ZSCAN5A: variants seen among roughly 807,000 people sequenced by gnomAD.
ZSCAN5A encodes zinc finger and SCAN domain-containing protein 5A.
A neutral mutation model predicts 23.7 loss-of-function variants in ZSCAN5A; 12 were observed. The observed-to-expected ratio is 0.51, with a 90% CI of 0.32 to 0.82. ZSCAN5A has a LOEUF of 0.82. Among genes scored for constraint, ZSCAN5A ranks in the 40% least tolerant of loss-of-function variants. The pLI, the probability that ZSCAN5A is intolerant of heterozygous loss-of-function variation, is 0.03. For missense variants in ZSCAN5A, 597 were observed against 617.9 expected (o/e 0.97, Z 0.36); for synonymous variants, 257 against 239.9 (o/e 1.07, Z -0.66).
At chr19:56,226,966 A>G (rs1403847581) in intron 2 of ZSCAN5A, among the ~76,000 whole-genome samples, 1 of 152,214 alleles carries the variant, frequency 6.6e-6, no homozygotes, top group Non-Finnish European at 1.5e-5. Context: ...AACATAAATA[A>G]TAATTAAAAA....
rs574919455 is a variant in ZSCAN5A at position 56,351,384 on chromosome 19, A to G, written c.-358+11851T>C. On this transcript the variant is annotated intron_variant, in intron 2 of 6. Coordinates refer to the ZSCAN5A transcript ENST00000587340. The surrounding 1 kb of genome is among the most constrained non-coding windows in gnomAD (Gnocchi z 4.8). The stretch of plus-strand genomic sequence containing the variant: ...TGTGTTCAAACCATCATGGCAACCC[A>G]CATTTGCATATTAAAAGGCTATGGC... Among the ~76,000 whole-genome samples, 68 of 152,130 alleles carry G rather than the reference A, an allele frequency of 4.5e-4. No individual in the cohort carries two copies. The highest frequency in any genetic ancestry group is 1.6e-3 in the African/African-American group (66 of 41,514).
intron 2 of ZSCAN5A, among the ~76,000 whole-genome samples, chr19:56,231,545 C>T (rs985533087): frequency 3.9e-5 from 6 of 152,180 alleles, no homozygotes; most frequent in Admixed American, 2.6e-4. Context: ...CCCCACCTCA[C>T]GTAAAGGTGG....
chr19:56,356,548 A>G (rs2041701649), intron 2 of ZSCAN5A, among the ~76,000 whole-genome samples: 1 of 147,928 alleles, frequency 6.8e-6, no homozygotes, highest in Non-Finnish European at 1.5e-5. Flanking sequence ...TCTAACTTCT[A>G]CTACGGGGTG....
chr19:56,244,809 T>C (rs774886271), intron 2 of ZSCAN5A, among the ~76,000 whole-genome samples: 3 of 148,866 alleles, frequency 2.0e-5, no homozygotes, highest in Admixed American at 6.6e-5. Context: ...TCTGATGGAA[T>C]GTAGGGAAGG....
At chr19:56,281,698 TG>T in intron 2 of ZSCAN5A, 1 of 985,396 alleles carries the variant, frequency 1.0e-6, no homozygotes, top group Non-Finnish European at 1.2e-6. Context: ...TCCAGTCAAC[TG>T]TAAGTCATAT....
chr19:56,321,528 T>C, intron 2 of ZSCAN5A: 5 of 732,394 alleles, frequency 6.8e-6, no homozygotes, highest in Non-Finnish European at 7.6e-6. Context: ...GCACTTTCGC[T>C]GTCTGTCTGG....
intron 2 of ZSCAN5A, chr19:56,301,955 C>A: frequency 8.1e-7 from 1 of 1,232,052 alleles, no homozygotes; most frequent in Non-Finnish European, 1.0e-6. Flanking sequence ...ATCATCTCCA[C>A]GGTTCTCTCC....
chr19:56,260,929 T>C (rs1264197298), intron 2 of ZSCAN5A, among the ~76,000 whole-genome samples: 3 of 152,074 alleles, frequency 2.0e-5, no homozygotes, highest in Non-Finnish European at 2.9e-5. Context: ...AAAATGTGGC[T>C]GGGCGTGGTG....
chr19:56,258,196 A>C (rs1368207260), intron 2 of ZSCAN5A, among the ~76,000 whole-genome samples: 1 of 152,218 alleles, frequency 6.6e-6, no homozygotes, highest in Non-Finnish European at 1.5e-5. Context: ...TCTTGGTGCT[A>C]TAACAGGGTA....
In ZSCAN5A at chr19:56,224,894, G is replaced by A. The variant is rs140787974; in HGVS notation, c.153C>T (p.Ser51=). The A allele has an allele frequency of 6.2e-6, 10 of 1,614,058 alleles. No homozygotes were observed. In the African/African-American group the frequency reaches 1.3e-4, roughly 22 times the overall value. ...EISHVNFRMF[S]CPKESDPIQA... ...GGATGGGGTCCGACTCCTTCGGGCA[G>A]CTGAACATCCTGAAGTTCACGTGAG... The change falls in exon 3 of 6, where the codon AGC becomes AGT. Residue 51 remains serine (S), a synonymous_variant. Transcript: ENST00000683990.
chr19:56,345,275 C>T (rs556781469), intron 2 of ZSCAN5A, among the ~76,000 whole-genome samples: 1 of 152,278 alleles, frequency 6.6e-6, no homozygotes, highest in South Asian at 2.1e-4. Flanking sequence ...TTGATGTACA[C>T]TTTTTAAGCC....
At chr19:56,329,775 G>A (rs1292578829) in intron 2 of ZSCAN5A, among the ~76,000 whole-genome samples, 2 of 152,038 alleles carry the variant, frequency 1.3e-5, no homozygotes, top group African/African-American at 4.8e-5. Context: ...TATCACCATT[G>A]TAATCTGGGT....
chr19:56,304,434 G>A (rs2040550555), intron 2 of ZSCAN5A, among the ~76,000 whole-genome samples: 1 of 152,212 alleles, frequency 6.6e-6, no homozygotes. Context: ...GGCATCCAGT[G>A]GGCAGAGGCC....
At chr19:56,322,245 C>T (rs2041383777) in intron 2 of ZSCAN5A, 4 of 1,104,022 alleles carry the variant, frequency 3.6e-6, no homozygotes, top group Non-Finnish European at 5.6e-6. Context: ...TGAGAAAGTC[C>T]TAAAACAGTT....
chr19:56,297,464 C>T (rs1056244122), intron 2 of ZSCAN5A: 7 of 932,862 alleles, frequency 7.5e-6, no homozygotes, highest in East Asian at 1.2e-4. Context: ...CTTCCTCCTT[C>T]TCTTCCTGCT....
rs377736368 is a variant in ZSCAN5A, at chr19:56,299,139, AT to A, written c.-128+14143del. ...ATGGTAAGATTTTACAGCTTACATT[AT>A]TTTTTTTTTGAGACACGGTCTAGCT... On this transcript the variant is annotated intron_variant, in intron 2 of 5. Coordinates refer to ENST00000683990, the MANE Select transcript of ZSCAN5A (RefSeq NM_001322064.3). Among the ~76,000 whole-genome samples the A allele has an allele frequency of 1.4e-3, 212 of 149,996 alleles. 3 individuals carry two copies. In the South Asian group the frequency reaches 0.027, roughly 19 times the overall value.
chr19:56,294,075 GACAGC>G (rs1270379293), intron 2 of ZSCAN5A, among the ~76,000 whole-genome samples: 1 of 152,188 alleles, frequency 6.6e-6, no homozygotes, highest in African/African-American at 2.4e-5. Flanking sequence ...ATGCTGCACT[GACAGC>G]ACTTTGCAAA....
At chr19:56,281,421 C>A (rs1459150374) in intron 2 of ZSCAN5A, among the ~76,000 whole-genome samples, 1 of 152,102 alleles carries the variant, frequency 6.6e-6, no homozygotes, top group Non-Finnish European at 1.5e-5. Flanking sequence ...ATTTCTGAAA[C>A]TGCAAAGTTA....
chr19:56,233,896 G>A (rs1169237076), intron 2 of ZSCAN5A, among the ~76,000 whole-genome samples: 1 of 152,076 alleles, frequency 6.6e-6, no homozygotes, highest in Non-Finnish European at 1.5e-5. Flanking sequence ...GCCCTTCCAA[G>A]CTGGCAGAAA....
Sources: gnomAD v4.1 joint callset for allele counts (sites outside exome capture counted in the v4.1 genomes callset) on GRCh38, gnomAD v4.1.1 for gene constraint, Gnocchi (gnomAD v3.1) non-coding constraint, MANE v1.5 for transcripts, NCBI Gene and HGNC (gene_info 2026-07-23, HGNC 2026-07-21) for gene names.